Variants in AGBL4 observed in about 807,000 individuals in gnomAD.
AGBL4 encodes the protein AGBL carboxypeptidase 4, also known as cytosolic carboxypeptidase 6.
A neutral mutation model predicts 66.4 loss-of-function variants in AGBL4; 58 were observed. The observed-to-expected ratio is 0.87, with a 90% CI of 0.71 to 1.09. The LOEUF is 1.09. Ranked by LOEUF, AGBL4 falls within the 50% of genes least tolerant of loss-of-function variation. The pLI is 0.00. For missense variants in AGBL4, 579 were observed against 631.0 expected (o/e 0.92, Z 0.88); for synonymous variants, 234 against 222.9 (o/e 1.05, Z -0.44).
chr1:49,550,186 T>A (rs1652839994), intron 3 of AGBL4, among the ~76,000 whole-genome samples: 1 of 152,170 alleles, frequency 6.6e-6, no homozygotes, highest in Non-Finnish European at 1.5e-5. Context: ...GTTAGGTGAG[T>A]CTCTTGAAGG....
chr1:49,593,433 T>A (rs1287257343), intron 3 of AGBL4, among the ~76,000 whole-genome samples: 1 of 151,880 alleles, frequency 6.6e-6, no homozygotes, highest in Admixed American at 6.6e-5. Context: ...AATAAATAAA[T>A]AAAGGGTAAT....
chr1:48,757,252 T>C (rs1033559595), intron 6 of AGBL4, among the ~76,000 whole-genome samples: 2 of 152,188 alleles, frequency 1.3e-5, no homozygotes, highest in Admixed American at 6.5e-5. Context: ...CACTTTAAGA[T>C]TGGGAAACAT....
chr1:48,916,588 G>A (rs2148887234), intron 5 of AGBL4, among the ~76,000 whole-genome samples: 1 of 152,112 alleles, frequency 6.6e-6, no homozygotes, highest in African/African-American at 2.4e-5. Flanking sequence ...TGCATTTGAT[G>A]TTTCCTTGTT....
intron 3 of AGBL4, among the ~76,000 whole-genome samples, chr1:49,337,393 TC>T (rs1645458233): frequency 1.3e-5 from 2 of 152,212 alleles, no homozygotes; most frequent in African/African-American, 4.8e-5. Context: ...AACAGGATTC[TC>T]CCTGCCAGCA....
At chr1:48,989,308 T>C (rs139412614) in intron 5 of AGBL4, among the ~76,000 whole-genome samples, 2 of 152,316 alleles carry the variant, frequency 1.3e-5, no homozygotes, top group East Asian at 3.9e-4. Flanking sequence ...ATACAATTAG[T>C]AATAATCACA....
At chr1:48,895,959 T>C (rs3121523) in intron 5 of AGBL4, among the ~76,000 whole-genome samples, 130,861 of 152,202 alleles carry the variant, frequency 0.86, 57,535 homozygotes, top group Non-Finnish European at 0.96. Flanking sequence ...CTATGTGATA[T>C]TGGAACAAAG....
intron 3 of AGBL4, among the ~76,000 whole-genome samples, chr1:49,315,318 C>T (rs911181808): frequency 1.3e-5 from 2 of 152,128 alleles, no homozygotes; most frequent in Non-Finnish European, 2.9e-5. Flanking sequence ...CAACACCATT[C>T]AGGACATAGG....
intron 2 of AGBL4, among the ~76,000 whole-genome samples, chr1:49,770,811 A>G (rs897901522): frequency 1.3e-5 from 2 of 152,238 alleles, no homozygotes; most frequent in Middle Eastern, 6.8e-3. Context: ...TGCTGTTCAT[A>G]GGAATCTCTT....
chr1:49,468,215 A>G (rs924298763), intron 3 of AGBL4, among the ~76,000 whole-genome samples: 5 of 151,828 alleles, frequency 3.3e-5, no homozygotes, highest in African/African-American at 1.2e-4. Flanking sequence ...AAACCAATCC[A>G]TGAAATATAG....
rs191139389 is a variant in AGBL4 at position 49,503,476 on chromosome 1, C to T, written c.282+193837G>A. Among the ~76,000 whole-genome samples the T allele has an allele frequency of 5.3e-5, 8 of 152,216 alleles. No homozygotes were observed. In the East Asian group the frequency reaches 1.5e-3, roughly 29 times the overall value. On this transcript the variant is annotated intron_variant, in intron 3 of 13. Coordinates refer to ENST00000371839, the MANE Select transcript of AGBL4 (RefSeq NM_032785.4). ...AAGGTGGCCACTGTCCTCTGGACCC[C>T]ACAATGGTAGATCCATTGACAGCTT...
chr1:49,529,069 A>G (rs1185463623), intron 3 of AGBL4, among the ~76,000 whole-genome samples: 4 of 152,114 alleles, frequency 2.6e-5, no homozygotes. Flanking sequence ...TATTGTGTCA[A>G]TCTGGAGGAT....
At chr1:49,403,622 G>A (rs78285390) in intron 3 of AGBL4, among the ~76,000 whole-genome samples, 3,631 of 152,150 alleles carry the variant, frequency 0.024, 121 homozygotes, top group African/African-American at 0.083. Flanking sequence ...GTAAGGTCAT[G>A]TTTTCCAGGA....
At chr1:49,028,006 G>A (rs1368967309) in intron 5 of AGBL4, among the ~76,000 whole-genome samples, 3 of 152,136 alleles carry the variant, frequency 2.0e-5, no homozygotes, top group Admixed American at 6.6e-5. Flanking sequence ...AGAATGGCAA[G>A]CAATAAGAAC....
intron 9 of AGBL4, among the ~76,000 whole-genome samples, chr1:48,627,855 C>A (rs11580482): frequency 6.6e-6 from 1 of 152,112 alleles, no homozygotes; most frequent in Non-Finnish European, 1.5e-5. Flanking sequence ...CTGCTGGAAA[C>A]CCATTCACCT....
At chr1:48,647,592 A>T (rs1445442222) in intron 8 of AGBL4, 1 of 453,976 alleles carries the variant, frequency 2.2e-6, no homozygotes, top group East Asian at 7.0e-5. Flanking sequence ...TATGGAATAC[A>T]CAATGACAAG....
chr1:49,928,592 A>T (rs77465212), intron 1 of AGBL4, among the ~76,000 whole-genome samples: 1 of 152,130 alleles, frequency 6.6e-6, no homozygotes, highest in African/African-American at 2.4e-5. Context: ...GGAAGGATAG[A>T]GAAAAATTAT....
chr1:49,777,895 C>A (rs1287978334), intron 2 of AGBL4, among the ~76,000 whole-genome samples: 1 of 152,126 alleles, frequency 6.6e-6, no homozygotes, highest in African/African-American at 2.4e-5. Flanking sequence ...AATGGAGAAA[C>A]ATTTAGTCAC....
chr1:48,895,409 G>C (rs1315582247), intron 5 of AGBL4, among the ~76,000 whole-genome samples: 3 of 152,176 alleles, frequency 2.0e-5, no homozygotes, highest in African/African-American at 7.2e-5. Flanking sequence ...CAGAGGCCTG[G>C]CAAGGAGAGA....
intron 4 of AGBL4, among the ~76,000 whole-genome samples, chr1:49,231,684 C>T (rs1650322201): frequency 6.6e-6 from 1 of 152,156 alleles, no homozygotes; most frequent in Non-Finnish European, 1.5e-5. Flanking sequence ...ACATTCACCT[C>T]ACACACACAT....
Sources: allele counts gnomAD v4.1 joint callset (sites outside exome capture counted in the v4.1 genomes callset), GRCh38; gene constraint gnomAD v4.1.1; transcripts MANE v1.5; gene names NCBI Gene and HGNC (gene_info 2026-07-23, HGNC 2026-07-21).